MYO1F: variants seen among roughly 807,000 people sequenced by gnomAD.
MYO1F encodes myosin IF.
In MYO1F, 60 loss-of-function variants were observed where a neutral mutation model predicts 146.6. That is an observed-to-expected ratio of 0.41 (90% CI 0.33 to 0.51). The LOEUF is 0.51. MYO1F is among the 20% of genes least tolerant of loss of function. MYO1F has a pLI of 0.25. For synonymous variants in MYO1F, 602 were observed against 602.1 expected, an observed-to-expected ratio of 1.00 and a Z score of 0.00; for missense variants, 1,274 against 1,534.3, an observed-to-expected ratio of 0.83 and a Z score of 2.83.
intron 1 of MYO1F, among the ~76,000 whole-genome samples, chr19:8,570,468 G>A (rs1165642237): frequency 1.3e-5 from 2 of 151,502 alleles, no homozygotes; most frequent in Non-Finnish European, 2.9e-5. Context: ...CCAGGTTCAA[G>A]CAATTCTCCT....
chr19:8,555,521 A>G, intron 2 of MYO1F, 138 bp downstream of exon 2: 1 of 1,192,748 alleles, frequency 8.4e-7, no homozygotes, highest in African/African-American at 1.5e-5. Flanking sequence ...CCCTGCTGTC[A>G]CTCTGTCTGT....
chr19:8,556,381 C>T (rs1251057351), intron 1 of MYO1F, among the ~76,000 whole-genome samples: 1 of 151,018 alleles, frequency 6.6e-6, no homozygotes, highest in Non-Finnish European at 1.5e-5. Flanking sequence ...GTGGCTCATG[C>T]CCGTAATCCC....
intron 15 of MYO1F, chr19:8,540,360 C>G (rs1046730588): frequency 5.5e-6 from 1 of 181,180 alleles, no homozygotes; most frequent in Admixed American, 6.2e-5. Flanking sequence ...TATTTATTTC[C>G]TTTATTTTTT....
chr19:8,525,644 T>C lies in MYO1F; in HGVS notation c.2771-82A>G, dbSNP rs1044406474. ...CCACAAATCTAGTCCATTCTGAGGC[T>C]CCGCCGCACCCCGCCCCCTCAGGCT... is the stretch of plus-strand genomic sequence containing the variant. On this transcript the variant is annotated intron_variant, in intron 24 of 27. Transcript: ENST00000644032. 2.0e-4 allele frequency: 243 copies of C among 1,191,560 alleles called. 2 individuals carry two copies. The highest frequency in any genetic ancestry group is 1.9e-4 in the Middle Eastern group (1 of 5,266). 73.8% of individuals were successfully genotyped at this position (1,191,560 alleles called of 1,614,324 possible).
chr19:8,561,967 G>A (rs1224347068), intron 1 of MYO1F, among the ~76,000 whole-genome samples: 2 of 151,580 alleles, frequency 1.3e-5, no homozygotes, highest in East Asian at 2.0e-4. Flanking sequence ...CACCCATGTC[G>A]GCCTCCCAAA....
chr19:8,556,610 G>A (rs145624058), intron 1 of MYO1F, among the ~76,000 whole-genome samples: 2,179 of 151,268 alleles, frequency 0.014, 19 homozygotes, highest in Middle Eastern at 0.049. Flanking sequence ...ATCTGGGGCC[G>A]GGCACAGTGG....
intron 4 of MYO1F, 140 bp downstream of exon 4, chr19:8,554,337 A>G: frequency 1.3e-6 from 1 of 792,044 alleles, no homozygotes. Flanking sequence ...GGTGACAAGG[A>G]AAATAAAACA....
chr19:8,537,922 T>G (rs776647055), intron 16 of MYO1F, among the ~76,000 whole-genome samples: 1 of 151,550 alleles, frequency 6.6e-6, no homozygotes, highest in Non-Finnish European at 1.5e-5. Flanking sequence ...GTAGGGAAAC[T>G]GTGTGTATGC....
At chr19:8,559,737 G>T (rs985058890) in intron 1 of MYO1F, among the ~76,000 whole-genome samples, 1 of 151,710 alleles carries the variant, frequency 6.6e-6, no homozygotes, top group Non-Finnish European at 1.5e-5. Context: ...ATCATCTAAG[G>T]TCGGGAGTTT....
chr19:8,542,059 C>T (rs1387141192), intron 14 of MYO1F, 68 bp from the exon 15 acceptor site: 32 of 1,279,152 alleles, frequency 2.5e-5, no homozygotes, highest in Middle Eastern at 1.9e-4. Context: ...GCGTGGGGTG[C>T]TTACAGCCCA....
At chr19:8,556,170 A>G (rs1034845616) in intron 1 of MYO1F, among the ~76,000 whole-genome samples, 1 of 151,274 alleles carries the variant, frequency 6.6e-6, no homozygotes, top group African/African-American at 2.4e-5. Context: ...CTGGGATTAC[A>G]GGTGCCCACC....
At chr19:8,558,339 T>A (rs1973941558) in intron 1 of MYO1F, among the ~76,000 whole-genome samples, 1 of 151,458 alleles carries the variant, frequency 6.6e-6, no homozygotes, top group East Asian at 1.9e-4. Flanking sequence ...AATATTTAAA[T>A]TTTTTTTGTA....
intron 15 of MYO1F, chr19:8,540,365 T>G (rs372360560): frequency 5.6e-6 from 1 of 177,756 alleles, no homozygotes; most frequent in African/African-American, 2.4e-5. Context: ...ATTTCCTTTA[T>G]TTTTTCTTTG....
Position 8,544,342 on chromosome 19 carries a change from G to A in MYO1F, c.1479C>T (p.Phe493=), listed in dbSNP as rs1423923822. 3 of 1,613,062 alleles carry A rather than the reference G, an allele frequency of 1.9e-6. No individual in the cohort carries two copies. Among genetic ancestry groups the A allele is most frequent in the Non-Finnish European group, 2.5e-6 (3 of 1,179,870 alleles). Residue 493 remains phenylalanine (F), a synonymous_variant, in exon 14 of 28, where the codon TTC becomes TTT. Transcript: ENST00000644032. ...TGACGAAGCCGGCGCTCCAGCTGTT[G>A]AAATGCTCGTGGGTCCCCACAGCCG... The part of the protein sequence containing the change: ...LQAAVGTHEH[F]NSWSAGFVIH...
In MYO1F at chr19:8,553,215, A is replaced by G. The variant is rs370081150; in HGVS notation, c.428T>C (p.Ile143Thr). ...GAGCAGCGGGTTGGACTGCAGGATGATATCTTTGACGTGCTGGGGCAGAGG... is the reference window on the plus strand; with the variant it reads ...GAGCAGCGGGTTGGACTGCAGGATGGTATCTTTGACGTGCTGGGGCAGAGG... ...GGEKVQHVKD[I>T]ILQSNPLLEA... Residue 143 changes from isoleucine to threonine, a missense_variant, in exon 6 of 28, where the codon ATC becomes ACC. Physicochemically the swap from Ile to Thr is moderately conservative, Grantham distance 89 (BLOSUM62 -1). Transcript: ENST00000644032. The G allele has an allele frequency of 5.6e-6, 9 of 1,614,140 alleles. No individual in the cohort carries two copies. The highest frequency in any genetic ancestry group is 1.3e-5 in the African/African-American group (1 of 75,034).
At chr19:8,538,780 G>A (rs957956412) in intron 16 of MYO1F, among the ~76,000 whole-genome samples, 1 of 151,818 alleles carries the variant, frequency 6.6e-6, no homozygotes, top group Admixed American at 6.6e-5. Flanking sequence ...TTATAGAGAC[G>A]GGGTCTTGTT....
At chr19:8,566,456 C>T (rs1022448499) in intron 1 of MYO1F, among the ~76,000 whole-genome samples, 3 of 150,984 alleles carry the variant, frequency 2.0e-5, no homozygotes, top group South Asian at 2.1e-4. Flanking sequence ...CGTGAGCCAC[C>T]GCGCCCGGCC....
Position 8,530,181 on chromosome 19 carries a change from C to T in MYO1F, c.2328+15G>A. The stretch of plus-strand genomic sequence containing the variant: ...GTAGTCAGGGTCTTGCTGTGCCCAC[C>T]CACTAGTGCCTCACCTTGAAGCGGC... On this transcript the variant is annotated intron_variant, in intron 21 of 27. Transcript: ENST00000644032. This position sits in a 1 kb window ranked among gnomAD's most constrained non-coding sequence, Gnocchi z 5.8. 1 of 1,613,946 alleles carries T rather than the reference C, an allele frequency of 6.2e-7. No individual in the cohort carries two copies. Among genetic ancestry groups the T allele is most frequent in the Non-Finnish European group, 8.5e-7 (1 of 1,179,974 alleles).
At chr19:8,547,948 G>C (rs1310596497) in intron 12 of MYO1F, 88 bp downstream of exon 12, 1 of 1,302,632 alleles carries the variant, frequency 7.7e-7, no homozygotes. Flanking sequence ...GAGGGCTGGG[G>C]TGTCCCCTAG....
Sources: allele counts gnomAD v4.1 joint callset (sites outside exome capture counted in the v4.1 genomes callset), GRCh38; gene constraint gnomAD v4.1.1; non-coding constraint Gnocchi (gnomAD v3.1); transcripts MANE v1.5; gene names NCBI Gene and HGNC (gene_info 2026-07-23, HGNC 2026-07-21).